Variants in TMEM87A observed in about 807,000 individuals in gnomAD.
The protein encoded by TMEM87A is transmembrane protein 87A.
TMEM87A carries 50 observed loss-of-function variants against 90.0 expected under a neutral mutation model. The ratio of observed to expected loss-of-function variants is 0.56; its 90% CI spans 0.44 to 0.70. The LOEUF (loss-of-function observed/expected upper bound fraction) is 0.70. Ranked by LOEUF, TMEM87A falls within the 30% of genes least tolerant of loss-of-function variation. The pLI, the probability that TMEM87A is intolerant of heterozygous loss-of-function variation, is 0.00. For missense variants in TMEM87A, 577 were observed against 660.5 expected (o/e 0.87, Z 1.39); for synonymous variants, 226 against 226.7 (o/e 1.00, Z 0.03).
chr15:42,261,372 C>T (rs2051287746), intron 4 of TMEM87A, 123 bp from the exon 5 acceptor site: 1 of 664,422 alleles, frequency 1.5e-6, no homozygotes, highest in Non-Finnish European at 2.3e-6. Context: ...TATAATAACA[C>T]AGCATCAGTA....
At chr15:42,252,317 C>T (rs962919602) in intron 6 of TMEM87A, among the ~76,000 whole-genome samples, 7 of 152,206 alleles carry the variant, frequency 4.6e-5, no homozygotes, top group African/African-American at 1.4e-4. Context: ...AGAAATCACC[C>T]GTCTTCTGTG....
chr15:42,228,385 CAT>C (rs1438724357), intron 13 of TMEM87A, among the ~76,000 whole-genome samples: 5 of 152,258 alleles, frequency 3.3e-5, no homozygotes, highest in African/African-American at 9.6e-5. Flanking sequence ...ACTAAACAAA[CAT>C]GTGGTAATGT....
At chr15:42,273,554 C>A (rs1385418671), upstream of TMEM87A, 8 of 1,308,124 alleles carry the variant, frequency 6.1e-6, no homozygotes, top group East Asian at 1.3e-4. Context: ...CTCAGACAGT[C>A]GTCTGTGCGC....
At chr15:42,266,200 G>A (rs562249458) in intron 3 of TMEM87A, among the ~76,000 whole-genome samples, 2 of 152,290 alleles carry the variant, frequency 1.3e-5, no homozygotes, top group Non-Finnish European at 2.9e-5. Flanking sequence ...TCTCAAAAGT[G>A]TGGCCGTTGA....
At chr15:42,255,547 G>A (rs184833536) in intron 6 of TMEM87A, among the ~76,000 whole-genome samples, 316 of 152,134 alleles carry the variant, frequency 2.1e-3, no homozygotes, top group Non-Finnish European at 3.0e-3. Flanking sequence ...ACAGGCATAA[G>A]CCACTGCACT....
chr15:42,244,822 A>C (rs980795453), intron 6 of TMEM87A, among the ~76,000 whole-genome samples: 3 of 149,694 alleles, frequency 2.0e-5, no homozygotes, highest in Non-Finnish European at 4.5e-5. Context: ...ACTAAGACAC[A>C]ATGATAAAGA....
At position 42,237,633 on chromosome 15, in the gene TMEM87A, A is replaced by G. The variant is rs553180130; in HGVS notation, c.685-18T>C. ...ATGAAAAACTGTTATCAAATTGGGT[A>G]AAAGATAAAAAGGAGAATTAGGGCC... On this transcript the variant is annotated intron_variant, in intron 8 of 19. Transcript: ENST00000389834. 1.9e-6 allele frequency: 3 copies of G among 1,557,842 alleles called. No homozygotes were observed. In the African/African-American group the frequency reaches 4.1e-5, roughly 21 times the overall value.
rs182855384 is a variant in TMEM87A, at chr15:42,272,192, A to C, written c.145-69T>G. The C allele has an allele frequency of 6.1e-6, 7 of 1,146,190 alleles. No individual in the cohort carries two copies. In the African/African-American group the frequency reaches 9.4e-5, roughly 15 times the overall value. The allele number at this position is 1,146,190 out of a possible 1,614,324, so 71.0% of individuals were successfully genotyped here. On this transcript the variant is annotated intron_variant, in intron 1 of 19. Coordinates refer to ENST00000389834, the MANE Select transcript of TMEM87A (RefSeq NM_015497.5). ...TTACCAAAGCATCATATAACTATCT[A>C]AGACTGCTAGAAATTCCAACTTAAC... is the stretch of plus-strand genomic sequence containing the variant.
At chr15:42,241,228 A>G (rs1236213405) in intron 7 of TMEM87A, among the ~76,000 whole-genome samples, 1 of 152,236 alleles carries the variant, frequency 6.6e-6, no homozygotes, top group East Asian at 1.9e-4. Flanking sequence ...CATGAGTAAG[A>G]TGTTTTCTGC....
chr15:42,230,424 G>A (rs994870062), intron 12 of TMEM87A, among the ~76,000 whole-genome samples: 5 of 152,062 alleles, frequency 3.3e-5, no homozygotes, highest in Non-Finnish European at 5.9e-5. Flanking sequence ...CAATCTATCA[G>A]GTCAGTAATA....
Position 42,265,888 on chromosome 15 carries a change from G to T in TMEM87A, c.292-1685C>A, listed in dbSNP as rs189334009. On this transcript the variant is annotated intron_variant, in intron 3 of 19. Coordinates refer to ENST00000389834, the MANE Select transcript of TMEM87A (RefSeq NM_015497.5). ...TTTAATCTATCTTGAGTTGATTTTTGAATATGGTGTGAGGAAGGGGTCCAG... is the reference window on the plus strand; with the variant it reads ...TTTAATCTATCTTGAGTTGATTTTTTAATATGGTGTGAGGAAGGGGTCCAG... Among the ~76,000 whole-genome samples the T allele has an allele frequency of 5.9e-5, 9 of 152,252 alleles. No individual in the cohort carries two copies. The East Asian group carries it at 9.6e-4, about 16-fold the overall frequency.
At chr15:42,238,364 TCA>T (rs2140943773) in intron 8 of TMEM87A, among the ~76,000 whole-genome samples, 1 of 151,898 alleles carries the variant, frequency 6.6e-6, no homozygotes, top group African/African-American at 2.4e-5. Flanking sequence ...GGTCAGGAGT[TCA>T]AGACCAGCCT....
chr15:42,211,864 A>G (rs987083184), intron 19 of TMEM87A, 115 bp from the exon 20 acceptor site: 3 of 965,960 alleles, frequency 3.1e-6, no homozygotes, highest in East Asian at 2.5e-5. Flanking sequence ...TGTTAATTAA[A>G]TGTTTAGAGA....
At chr15:42,235,443 A>G (rs759975840) in intron 10 of TMEM87A, among the ~76,000 whole-genome samples, 57 of 152,116 alleles carry the variant, frequency 3.7e-4, no homozygotes, top group Non-Finnish European at 8.1e-4. Flanking sequence ...TTCAACTCCA[A>G]TCTTGCCCCT....
intron 6 of TMEM87A, among the ~76,000 whole-genome samples, chr15:42,250,811 T>C (rs976391354): frequency 6.6e-6 from 1 of 152,232 alleles, no homozygotes. Flanking sequence ...GAAGTTCTCC[T>C]AGATAATATC....
chr15:42,231,328 A>G (rs2050683279), intron 11 of TMEM87A, 68 bp from the exon 12 acceptor site: 5 of 1,294,064 alleles, frequency 3.9e-6, no homozygotes, highest in Non-Finnish European at 4.2e-6. Flanking sequence ...AAACCACCAC[A>G]TGATTCTGCA....
chr15:42,270,552 T>C (rs2051501502), intron 2 of TMEM87A, among the ~76,000 whole-genome samples: 1 of 152,094 alleles, frequency 6.6e-6, no homozygotes, highest in Non-Finnish European at 1.5e-5. Flanking sequence ...GCCAAGATCG[T>C]ACCACTGCAC....
chr15:42,267,097 T>A (rs1221088676), intron 3 of TMEM87A, among the ~76,000 whole-genome samples: 1 of 152,202 alleles, frequency 6.6e-6, no homozygotes, highest in Non-Finnish European at 1.5e-5. Context: ...TTTAACGGCT[T>A]CCAAAACTTA....
chr15:42,258,711 G>A (rs1408918285), intron 6 of TMEM87A: 2 of 1,274,358 alleles, frequency 1.6e-6, no homozygotes, highest in South Asian at 2.2e-5. Flanking sequence ...ACAGGCGTGA[G>A]CCACTGTACC....
Sources: gnomAD v4.1 joint callset for allele counts (sites outside exome capture counted in the v4.1 genomes callset) on GRCh38, gnomAD v4.1.1 for gene constraint, MANE v1.5 for transcripts, NCBI Gene and HGNC (gene_info 2026-07-23, HGNC 2026-07-21) for gene names.